HYCC1: variants seen among roughly 807,000 people sequenced by gnomAD.
HYCC1 encodes the protein hyccin.
At chr7:22,949,800 C>A in the HYCC1 span, among the ~76,000 whole-genome samples, 18 of 151,972 alleles carry the variant, frequency 1.2e-4, no homozygotes, top group East Asian at 3.3e-3. Context: ...TTAAAAAAAT[C>A]ATGGAATTAA....
the HYCC1 span, among the ~76,000 whole-genome samples, chr7:22,996,570 T>G: frequency 6.8e-6 from 1 of 146,748 alleles, no homozygotes; most frequent in East Asian, 2.0e-4. Context: ...AGCTTTTCTT[T>G]GTCCTTACCA....
At chr7:22,905,154 C>T in the HYCC1 span, among the ~76,000 whole-genome samples, 4 of 152,098 alleles carry the variant, frequency 2.6e-5, no homozygotes, top group Middle Eastern at 3.2e-3. Context: ...CCCCCGTGAT[C>T]CAAACACCAC....
At chr7:22,971,444 G>A in the HYCC1 span, among the ~76,000 whole-genome samples, 1 of 151,166 alleles carries the variant, frequency 6.6e-6, no homozygotes, top group Non-Finnish European at 1.5e-5. Context: ...GGAGGCTGAG[G>A]CCCCCAGAGT....
chr7:22,923,077 G>A, the HYCC1 span, among the ~76,000 whole-genome samples: 3 of 152,096 alleles, frequency 2.0e-5, no homozygotes, highest in Admixed American at 2.0e-4. Flanking sequence ...AACACACATT[G>A]GTAGAACACT....
the HYCC1 span, among the ~76,000 whole-genome samples, chr7:22,912,224 G>A: frequency 0.27 from 40,985 of 152,040 alleles, 5,661 homozygotes; most frequent in East Asian, 0.48. Flanking sequence ...AAACTCAGAA[G>A]GAACCAATAA....
chr7:22,913,112 G>A, the HYCC1 span, among the ~76,000 whole-genome samples: 8 of 142,188 alleles, frequency 5.6e-5, no homozygotes, highest in African/African-American at 1.3e-4. Flanking sequence ...CAACAAGAGC[G>A]AAACTCCATC....
the HYCC1 span, chr7:22,978,102 G>A: frequency 4.1e-5 from 27 of 653,126 alleles, no homozygotes; most frequent in South Asian, 2.8e-4. Flanking sequence ...TTACATGTAC[G>A]CTTGTATGTC....
At chr7:23,004,636 G>GT in the HYCC1 span, among the ~76,000 whole-genome samples, 1 of 150,956 alleles carries the variant, frequency 6.6e-6, no homozygotes, top group South Asian at 2.1e-4. Context: ...ATTATCATGG[G>GT]TAAAAAAAAA....
At chr7:22,984,037 T>C in the HYCC1 span, 1 of 1,575,104 alleles carries the variant, frequency 6.3e-7, no homozygotes, top group Non-Finnish European at 8.7e-7. Flanking sequence ...AAGATGTTTC[T>C]GGTAATGTCT....
At chr7:22,901,985 A>G in the HYCC1 span, among the ~76,000 whole-genome samples, 151 of 152,314 alleles carry the variant, frequency 9.9e-4, no homozygotes, top group African/African-American at 3.5e-3. Flanking sequence ...ATCCTCTTCA[A>G]GTACACATGG....
At chr7:22,971,533 G>A in the HYCC1 span, among the ~76,000 whole-genome samples, 1 of 151,484 alleles carries the variant, frequency 6.6e-6, no homozygotes, top group African/African-American at 2.4e-5. Flanking sequence ...GCAATTAGCT[G>A]GGCATGGTGG....
At chr7:23,008,999 A>G in the HYCC1 span, among the ~76,000 whole-genome samples, 1 of 152,212 alleles carries the variant, frequency 6.6e-6, no homozygotes, top group South Asian at 2.1e-4. Context: ...AATGTTAGCA[A>G]TCTGTTTAAA....
the HYCC1 span, among the ~76,000 whole-genome samples, chr7:23,012,380 T>C: frequency 1.3e-5 from 2 of 152,232 alleles, no homozygotes; most frequent in African/African-American, 4.8e-5. Context: ...TAATGCCTTA[T>C]CGGGTGTCTG....
chr7:22,905,335 G>A, the HYCC1 span, among the ~76,000 whole-genome samples: 1 of 148,980 alleles, frequency 6.7e-6, no homozygotes, highest in South Asian at 2.1e-4. Context: ...CTCCCAAGTA[G>A]TGAGTAGCTG....
chr7:22,987,167 A>G, the HYCC1 span, among the ~76,000 whole-genome samples: 2 of 152,246 alleles, frequency 1.3e-5, no homozygotes, highest in Non-Finnish European at 2.9e-5. Flanking sequence ...ATAATATTTT[A>G]TAAGTAAATC....
At chr7:22,946,028 C>T in the HYCC1 span, 19 of 1,613,596 alleles carry the variant, frequency 1.2e-5, no homozygotes, top group East Asian at 4.0e-4. Context: ...CTTTCCTATA[C>T]TTGGCTTGTT....
At chr7:22,906,960 C>G in the HYCC1 span, among the ~76,000 whole-genome samples, 1 of 151,840 alleles carries the variant, frequency 6.6e-6, no homozygotes, top group South Asian at 2.1e-4. Context: ...AAAAAATTAG[C>G]TGGGCATGGG....
chr7:22,924,726 T>C, the HYCC1 span, among the ~76,000 whole-genome samples: 1 of 152,352 alleles, frequency 6.6e-6, no homozygotes, highest in East Asian at 1.9e-4. Context: ...CAAGGAGGCC[T>C]GCCTGCCTCT....
the HYCC1 span, chr7:22,978,437 A>G: frequency 6.2e-7 from 1 of 1,613,772 alleles, no homozygotes; most frequent in Non-Finnish European, 8.5e-7. Context: ...GGTGACAGAC[A>G]GGTTCTAGCA....
Sources: gnomAD v4.1 joint callset for allele counts (sites outside exome capture counted in the v4.1 genomes callset) on GRCh38, gnomAD v4.1.1 for gene constraint, MANE v1.5 for transcripts, NCBI Gene and HGNC (gene_info 2026-07-23, HGNC 2026-07-21) for gene names.